The following PCDHGA6 variants were observed in gnomAD, a reference collection of about 807,000 sequenced individuals.
The protein encoded by PCDHGA6 is protocadherin gamma subfamily A, 6.
PCDHGA6 carries 41 observed loss-of-function variants against 60.6 expected under a neutral mutation model. The ratio of observed to expected loss-of-function variants is 0.68; its 90% CI spans 0.53 to 0.88. The LOEUF (loss-of-function observed/expected upper bound fraction) is 0.88. Ranked by LOEUF, PCDHGA6 falls within the 40% of genes least tolerant of loss-of-function variation. PCDHGA6 has a pLI of 0.00. For missense variants in PCDHGA6, 1,312 were observed against 1,203.0 expected (o/e 1.09, Z -1.34); for synonymous variants, 594 against 524.4 (o/e 1.13, Z -1.81).
In PCDHGA6 at chr5:141,375,169, A is replaced by G; in HGVS notation, c.1086A>G (p.Pro362=). Residue 362 remains proline (P), a synonymous_variant, in exon 1 of 4, where the codon CCA becomes CCG. Transcript: ENST00000517434. ...GSRTIAESAP[P]GTVIALFQVF... Reference sequence around the variant, plus strand: ...GAACAATTGCTGAAAGTGCACCTCCAGGAACAGTAATCGCCCTTTTTCAAG... The same window carrying G: ...GAACAATTGCTGAAAGTGCACCTCCGGGAACAGTAATCGCCCTTTTTCAAG... 6.2e-7 allele frequency: 1 copy of G among 1,614,010 alleles called. No individual in the cohort carries two copies. The highest frequency in any genetic ancestry group is 1.1e-5 in the South Asian group (1 of 91,082).
At chr5:141,481,524 A>G (rs186970700) in intron 1 of PCDHGA6, among the ~76,000 whole-genome samples, 4 of 152,240 alleles carry the variant, frequency 2.6e-5, no homozygotes, top group African/African-American at 9.6e-5. Flanking sequence ...CTCAGTAAAA[A>G]TCTAGAGATG....
chr5:141,428,632 G>A (rs574049916), intron 1 of PCDHGA6: 35 of 182,522 alleles, frequency 1.9e-4, no homozygotes, highest in African/African-American at 7.6e-4. Context: ...CTCTAACTCT[G>A]TTGCTCCTAC....
At chr5:141,501,866 C>T (rs1193396289) in intron 2 of PCDHGA6, among the ~76,000 whole-genome samples, 4 of 152,108 alleles carry the variant, frequency 2.6e-5, no homozygotes, top group South Asian at 2.1e-4. Context: ...TTTCCCAGGA[C>T]GCCTCCTTAC....
intron 1 of PCDHGA6, among the ~76,000 whole-genome samples, chr5:141,466,558 C>T (rs1407160827): frequency 6.6e-6 from 1 of 152,120 alleles, no homozygotes; most frequent in Non-Finnish European, 1.5e-5. Flanking sequence ...CTGTGGGCTT[C>T]ATCTTCAACA....
In PCDHGA6 at chr5:141,415,509, T is replaced by C. The variant is rs1296405723; in HGVS notation, c.2424+39002T>C. The C allele has an allele frequency of 4.3e-6, 7 of 1,614,054 alleles. No individual in the cohort carries two copies. In the Admixed American group the frequency reaches 5.0e-5, roughly 12 times the overall value. On this transcript the variant is annotated intron_variant, in intron 1 of 3. Transcript: ENST00000517434. ...GTCACCTGATCTTCCCCCAGCCCAA[T>C]TATGCGGACACGCTCATCAGCCAGG...
chr5:141,394,432 C>T (rs1561648568), intron 1 of PCDHGA6: 2 of 1,614,238 alleles, frequency 1.2e-6, no homozygotes, highest in Admixed American at 1.7e-5. Flanking sequence ...AGCGGGGACC[C>T]GCCCCTCAGC....
Position 141,512,288 on chromosome 5 carries a change from TCAGCGGAGCCCCAGCAGGAAGGGTGGGC to T in PCDHGA6, c.*1120_*1147del, listed in dbSNP as rs1375137843. The T allele has an allele frequency of 6.5e-6, 1 of 152,680 alleles. No individual in the cohort carries two copies. Among genetic ancestry groups the T allele is most frequent in the Non-Finnish European group, 1.5e-5 (1 of 68,182 alleles). The allele number at this position is 152,680 out of a possible 1,614,324, so 9.5% of individuals were successfully genotyped here. ...TCCAGAGGTGCCACTGGTGGAAGGG[TCAGCGGAGCCCCAGCAGGAAGGGTGGGC>T]CAGCCAGGCCATTCTTAGTCCCTGG... On this transcript the variant is annotated 3_prime_UTR_variant, in exon 4 of 4. Coordinates refer to ENST00000517434, the MANE Select transcript of PCDHGA6 (RefSeq NM_018919.3).
Position 141,420,101 on chromosome 5 carries a change from T to A in PCDHGA6, c.2424+43594T>A. 5 of 1,614,046 alleles carry A rather than the reference T, an allele frequency of 3.1e-6. No homozygotes were observed. Among genetic ancestry groups the A allele is most frequent in the Non-Finnish European group, 4.2e-6 (5 of 1,179,870 alleles). ...TCCCCCCAACTACAGTGAGGGAACGTTGCCCTATGCCTATAATTTTTGTGT... is the reference window on the plus strand; with the variant it reads ...TCCCCCCAACTACAGTGAGGGAACGATGCCCTATGCCTATAATTTTTGTGT... On this transcript the variant is annotated intron_variant, in intron 1 of 3. Transcript: ENST00000517434.
rs773899530 is a variant in PCDHGA6 at position 141,494,864 on chromosome 5, G to C, written c.2482G>C (p.Gly828Arg). ...FSQAQRPGTS[G>R]SQNGDDTGTW... ...TCAGGCCCAGAGACCCGGCACCAGCGGGTAGGTGACTGATTCTCCAGCCCA... is the reference window on the plus strand; with the variant it reads ...TCAGGCCCAGAGACCCGGCACCAGCCGGTAGGTGACTGATTCTCCAGCCCA... The change falls in exon 2 of 4, where the codon GGC becomes CGC. Residue 828 changes from glycine (G) to arginine (R), a missense_variant and splice_region_variant. Transcript: ENST00000517434. The C allele has an allele frequency of 1.2e-6, 2 of 1,614,068 alleles. No individual in the cohort carries two copies. Among genetic ancestry groups the C allele is most frequent in the Middle Eastern group, 1.6e-4 (1 of 6,062 alleles).
At chr5:141,402,332 A>G (rs991402257) in intron 1 of PCDHGA6, among the ~76,000 whole-genome samples, 2 of 152,036 alleles carry the variant, frequency 1.3e-5, no homozygotes, top group African/African-American at 4.8e-5. Flanking sequence ...TTACAAATAT[A>G]TAGGTATAAA....
chr5:141,478,668 T>G (rs1411369994), intron 1 of PCDHGA6: 40 of 1,551,660 alleles, frequency 2.6e-5, no homozygotes, highest in Non-Finnish European at 3.4e-5. Flanking sequence ...CATTCACACT[T>G]TCAACTGGCC....
intron 1 of PCDHGA6, chr5:141,421,232 C>G (rs748347420): frequency 1.3e-6 from 2 of 1,590,370 alleles, no homozygotes; most frequent in Non-Finnish European, 1.7e-6. Context: ...CCTGCCATGG[C>G]GAATCGGCTA....
At position 141,457,041 on chromosome 5, in the gene PCDHGA6, A is replaced by T. The variant is rs151212070; in HGVS notation, c.2425-37766A>T. On this transcript the variant is annotated intron_variant, in intron 1 of 3. Transcript: ENST00000517434. ...AAGTCCTAGTAGACTCAGTGATAGT[A>T]AAACTTTCATGCTTCCTTTTTGCCA... 2.3e-4 allele frequency among the ~76,000 whole-genome samples: 35 copies of T among 152,360 alleles called. No individual in the cohort carries two copies. In the East Asian group the frequency reaches 6.4e-3, roughly 28 times the overall value.
Position 141,489,276 on chromosome 5 carries a change from A to G in PCDHGA6, c.2425-5531A>G. 6.4e-7 allele frequency: 1 copy of G among 1,556,122 alleles called. No homozygotes were observed. Among genetic ancestry groups the G allele is most frequent in the Non-Finnish European group, 8.7e-7 (1 of 1,151,562 alleles). On this transcript the variant is annotated intron_variant, in intron 1 of 3. Coordinates refer to ENST00000517434, the MANE Select transcript of PCDHGA6 (RefSeq NM_018919.3). The surrounding 1 kb of genome is among the most constrained non-coding windows in gnomAD (Gnocchi z 4.5). ...AGACACTCCCACAGCTCGCTGGGAA[A>G]TGGCAAGTGCTGTGCATGTTGTCCT...
chr5:141,488,807 C>G (rs2099679535), intron 1 of PCDHGA6, among the ~76,000 whole-genome samples: 1 of 152,170 alleles, frequency 6.6e-6, no homozygotes, highest in Non-Finnish European at 1.5e-5. Flanking sequence ...TGAGTACCAT[C>G]TGAGCTGTCA....
chr5:141,413,601 A>T (rs2095657842), intron 1 of PCDHGA6: 1 of 1,613,814 alleles, frequency 6.2e-7, no homozygotes, highest in African/African-American at 1.3e-5. Flanking sequence ...CAGAAAATCT[A>T]GACGTAAAAA....
chr5:141,387,732 C>T (rs940812767), intron 1 of PCDHGA6: 5 of 1,279,332 alleles, frequency 3.9e-6, no homozygotes, highest in Non-Finnish European at 5.3e-6. Context: ...CAGCGCCAGC[C>T]TTTACACCGC....
chr5:141,451,565 C>A (rs1336048717), intron 1 of PCDHGA6, among the ~76,000 whole-genome samples: 2 of 152,062 alleles, frequency 1.3e-5, no homozygotes, highest in South Asian at 2.1e-4. Flanking sequence ...AAGCCACAAT[C>A]TTTTTATAAA....
chr5:141,429,592 T>C (rs2097226711), intron 1 of PCDHGA6, among the ~76,000 whole-genome samples: 1 of 152,234 alleles, frequency 6.6e-6, no homozygotes, highest in Non-Finnish European at 1.5e-5. Flanking sequence ...ATTCTTGTAA[T>C]TCAAGTAAAC....
Sources: gnomAD v4.1 joint callset for allele counts (sites outside exome capture counted in the v4.1 genomes callset) on GRCh38, gnomAD v4.1.1 for gene constraint, Gnocchi (gnomAD v3.1) non-coding constraint, MANE v1.5 for transcripts, NCBI Gene and HGNC (gene_info 2026-07-23, HGNC 2026-07-21) for gene names.